The following RANBP2 variants were observed in gnomAD, a reference collection of about 807,000 sequenced individuals.
RANBP2 encodes the protein E3 SUMO-protein ligase RanBP2.
A neutral mutation model predicts 303.6 loss-of-function variants in RANBP2; 57 were observed. That is an observed-to-expected ratio of 0.19 (90% CI 0.15 to 0.23). RANBP2 has a LOEUF of 0.23. Ranked by LOEUF, RANBP2 falls within the 10% of genes least tolerant of loss-of-function variation. The pLI is 1.00. For missense variants in RANBP2, 3,138 were observed against 3,780.8 expected (o/e 0.83, Z 4.46); for synonymous variants, 1,167 against 1,301.5 (o/e 0.90, Z 2.23).
chr2:108,768,436 T>C (rs759031397), intron 20 of RANBP2, 48 bp downstream of exon 20: 2 of 1,606,670 alleles, frequency 1.2e-6, no homozygotes, highest in East Asian at 2.2e-5. Flanking sequence ...TTTCTTTTAA[T>C]GTTTAGCTTG....
the RANBP2 span, chr2:109,737,285 T>C: frequency 4.4e-6 from 3 of 682,162 alleles, no homozygotes; most frequent in Middle Eastern, 1.2e-3. Flanking sequence ...AAATACCTTT[T>C]GGAAAAATGC....
the RANBP2 span, among the ~76,000 whole-genome samples, chr2:109,381,042 G>A: frequency 6.6e-6 from 1 of 152,258 alleles, no homozygotes; most frequent in Non-Finnish European, 1.5e-5. Flanking sequence ...GTGAAATTGT[G>A]TGTCAGGAAG....
chr2:108,998,747 ATT>A, the RANBP2 span, among the ~76,000 whole-genome samples: 4 of 146,332 alleles, frequency 2.7e-5, no homozygotes, highest in Non-Finnish European at 1.5e-5. Flanking sequence ...AAAGATCTGG[ATT>A]TTTTTTTTTT....
At chr2:109,569,561 A>G in the RANBP2 span, among the ~76,000 whole-genome samples, 1 of 152,106 alleles carries the variant, frequency 6.6e-6, no homozygotes, top group South Asian at 2.1e-4. Context: ...TCCCAAGGAG[A>G]GAAATTTTTT....
the RANBP2 span, among the ~76,000 whole-genome samples, chr2:108,861,390 A>G: frequency 6.8e-6 from 1 of 148,092 alleles, no homozygotes; most frequent in Non-Finnish European, 1.5e-5. Context: ...TTGTTTTTCT[A>G]GTTCCTGTAG....
chr2:109,576,239 T>C, the RANBP2 span, among the ~76,000 whole-genome samples: 1 of 152,062 alleles, frequency 6.6e-6, no homozygotes, highest in South Asian at 2.1e-4. Flanking sequence ...CCAGCCTAGG[T>C]GACAACGCAA....
chr2:109,175,228 G>T, the RANBP2 span, among the ~76,000 whole-genome samples: 1 of 152,148 alleles, frequency 6.6e-6, no homozygotes, highest in Non-Finnish European at 1.5e-5. Flanking sequence ...ATGGCCTGTG[G>T]TGCTTCCTGT....
At chr2:109,663,193 A>G in the RANBP2 span, among the ~76,000 whole-genome samples, 2 of 152,154 alleles carry the variant, frequency 1.3e-5, no homozygotes, top group East Asian at 1.9e-4. Context: ...AATCCTATTC[A>G]TATTCATTCA....
At chr2:109,623,386 C>A in the RANBP2 span, among the ~76,000 whole-genome samples, 1 of 152,176 alleles carries the variant, frequency 6.6e-6, no homozygotes, top group Non-Finnish European at 1.5e-5. Context: ...GATATCTCAG[C>A]CACACAGCTA....
chr2:109,449,691 G>C, the RANBP2 span, among the ~76,000 whole-genome samples: 5 of 152,314 alleles, frequency 3.3e-5, no homozygotes, highest in East Asian at 3.9e-4. Context: ...GCAGGCCTTG[G>C]GTGCTGGCAG....
the RANBP2 span, among the ~76,000 whole-genome samples, chr2:109,335,087 A>C: frequency 6.6e-6 from 1 of 152,300 alleles, no homozygotes; most frequent in Admixed American, 6.5e-5. Context: ...TGGTGGTCAT[A>C]CCACTCCCTG....
the RANBP2 span, among the ~76,000 whole-genome samples, chr2:109,069,063 GCACATAA>G: frequency 6.6e-6 from 1 of 152,142 alleles, no homozygotes; most frequent in Admixed American, 6.5e-5. Flanking sequence ...AAAATACATT[GCACATAA>G]CACATGCGTT....
At chr2:109,610,437 G>A in the RANBP2 span, among the ~76,000 whole-genome samples, 8 of 152,276 alleles carry the variant, frequency 5.3e-5, no homozygotes, top group Non-Finnish European at 8.8e-5. Context: ...GGTCTGGGCC[G>A]GGCATGGTGG....
the RANBP2 span, among the ~76,000 whole-genome samples, chr2:109,085,981 A>G: frequency 6.6e-6 from 1 of 151,998 alleles, no homozygotes; most frequent in African/African-American, 2.4e-5. Context: ...ACCACCATCC[A>G]TCTCTTAACT....
the RANBP2 span, among the ~76,000 whole-genome samples, chr2:109,367,842 T>C: frequency 6.6e-6 from 1 of 152,208 alleles, no homozygotes; most frequent in Admixed American, 6.5e-5. Flanking sequence ...GCTCAGAGGG[T>C]GCACAGGCTT....
the RANBP2 span, among the ~76,000 whole-genome samples, chr2:109,693,682 C>T: frequency 6.6e-6 from 1 of 152,204 alleles, no homozygotes; most frequent in East Asian, 1.9e-4. Context: ...TTCATTAAAC[C>T]TCTTTTGGTT....
chr2:108,832,204 A>G, the RANBP2 span, among the ~76,000 whole-genome samples: 1 of 148,382 alleles, frequency 6.7e-6, no homozygotes. Context: ...TAATTTTTAT[A>G]TTAGTAGAGA....
chr2:108,970,076 C>A, the RANBP2 span, among the ~76,000 whole-genome samples: 1 of 152,302 alleles, frequency 6.6e-6, no homozygotes, highest in South Asian at 2.1e-4. Context: ...AAGACACTTT[C>A]CCCTGTGGAA....
At chr2:109,008,062 A>C in the RANBP2 span, among the ~76,000 whole-genome samples, 1 of 152,190 alleles carries the variant, frequency 6.6e-6, no homozygotes, top group East Asian at 1.9e-4. Flanking sequence ...GCAACCCTTC[A>C]ACATGAGAGC....
Sources: allele counts gnomAD v4.1 joint callset (sites outside exome capture counted in the v4.1 genomes callset), GRCh38; gene constraint gnomAD v4.1.1; transcripts MANE v1.5; gene names NCBI Gene and HGNC (gene_info 2026-07-23, HGNC 2026-07-21).